Variants in NRG3 observed in about 807,000 individuals in gnomAD.
The protein encoded by NRG3 is neuregulin 3, also known as pro-neuregulin-3, membrane-bound isoform.
Under a neutral mutation model 66.9 loss-of-function variants are expected in NRG3, and 31 were observed. The observed-to-expected ratio is 0.46, with a 90% CI of 0.35 to 0.63. NRG3 has a LOEUF of 0.63. Among genes scored for constraint, NRG3 ranks in the 20% least tolerant of loss-of-function variants. The pLI is 0.00. For synonymous variants in NRG3, 393 were observed against 359.4 expected, an observed-to-expected ratio of 1.09 and a Z score of -1.06; for missense variants, 910 against 878.9, an observed-to-expected ratio of 1.04 and a Z score of -0.45.
chr10:82,252,585 G>C (rs1433846993), intron 1 of NRG3, among the ~76,000 whole-genome samples: 1 of 152,090 alleles, frequency 6.6e-6, no homozygotes, highest in African/African-American at 2.4e-5. Flanking sequence ...GTACAGTATT[G>C]CTCCTAATGA....
chr10:82,789,951 G>T (rs979476476), intron 3 of NRG3, among the ~76,000 whole-genome samples: 6 of 151,952 alleles, frequency 3.9e-5, no homozygotes, highest in Non-Finnish European at 8.8e-5. Flanking sequence ...ATCTAGGATT[G>T]ATAACAACTT....
chr10:82,430,471 A>T (rs2089732014), intron 2 of NRG3, among the ~76,000 whole-genome samples: 1 of 151,972 alleles, frequency 6.6e-6, no homozygotes, highest in Admixed American at 6.6e-5. Context: ...GTTAGCCAGG[A>T]TGGTCTCGAT....
chr10:82,624,026 T>A (rs2133645458), intron 2 of NRG3, among the ~76,000 whole-genome samples: 1 of 152,276 alleles, frequency 6.6e-6, no homozygotes, highest in Middle Eastern at 3.4e-3. Context: ...TATTATTGCT[T>A]TGAGACAGAA....
At chr10:82,140,328 A>G (rs955582132) in intron 1 of NRG3, among the ~76,000 whole-genome samples, 2 of 152,144 alleles carry the variant, frequency 1.3e-5, no homozygotes, top group African/African-American at 2.4e-5. Context: ...GTCTCTAAAC[A>G]ACTCCAGGGC....
intron 2 of NRG3, among the ~76,000 whole-genome samples, chr10:82,419,317 T>C (rs184704398): frequency 9.2e-5 from 14 of 152,258 alleles, no homozygotes; most frequent in African/African-American, 3.1e-4. Context: ...AGGCAGAGTT[T>C]AAACATTCCG....
chr10:82,479,377 T>C (rs1172474939), intron 2 of NRG3, among the ~76,000 whole-genome samples: 1 of 151,758 alleles, frequency 6.6e-6, no homozygotes, highest in African/African-American at 2.4e-5. Context: ...GAAGAGAGGA[T>C]ATGCACGCGT....
intron 1 of NRG3, among the ~76,000 whole-genome samples, chr10:82,051,236 T>C (rs932510020): frequency 6.6e-6 from 1 of 152,130 alleles, no homozygotes; most frequent in Non-Finnish European, 1.5e-5. Flanking sequence ...AATCAGAAAA[T>C]GCATTCTTCA....
intron 2 of NRG3, among the ~76,000 whole-genome samples, chr10:82,378,297 CT>C (rs2085389150): frequency 1.3e-5 from 2 of 152,170 alleles, no homozygotes; most frequent in South Asian, 4.1e-4. Context: ...GAGACAGGAA[CT>C]GTTGTGAACT....
At chr10:82,894,341 G>A (rs963878131) in intron 4 of NRG3, among the ~76,000 whole-genome samples, 5 of 152,048 alleles carry the variant, frequency 3.3e-5, no homozygotes, top group African/African-American at 1.2e-4. Context: ...AATAAGCCTA[G>A]CATATATTTT....
intron 1 of NRG3, among the ~76,000 whole-genome samples, chr10:82,010,231 T>A (rs920197794): frequency 3.9e-5 from 6 of 152,154 alleles, no homozygotes; most frequent in African/African-American, 1.4e-4. Flanking sequence ...TTGGAGTGGG[T>A]AAGCCATTGG....
chr10:82,985,058 G>A lies in NRG3; in HGVS notation c.1584-40G>A, dbSNP rs756567572. 4 of 1,594,350 alleles carry A rather than the reference G, an allele frequency of 2.5e-6. No homozygotes were observed. The East Asian group carries it at 8.9e-5, about 36-fold the overall frequency. ...ATTGAGTATTGCTCTAACAAAGCCTGGTAGAAAGCAGAAGGAGTAACACTG... is the reference window on the plus strand; with the variant it reads ...ATTGAGTATTGCTCTAACAAAGCCTAGTAGAAAGCAGAAGGAGTAACACTG... On this transcript the variant is annotated intron_variant, in intron 8 of 8. Transcript: ENST00000372141.
At chr10:82,249,171 A>G (rs1467571321) in intron 1 of NRG3, among the ~76,000 whole-genome samples, 1 of 152,096 alleles carries the variant, frequency 6.6e-6, no homozygotes, top group Non-Finnish European at 1.5e-5. Flanking sequence ...TTATTTATGT[A>G]CATGTTGTTA....
intron 2 of NRG3, among the ~76,000 whole-genome samples, chr10:82,404,084 C>T (rs1233547657): frequency 6.6e-6 from 1 of 152,136 alleles, no homozygotes; most frequent in African/African-American, 2.4e-5. Flanking sequence ...ATGCTCAAGA[C>T]TGTTTGCTTT....
chr10:82,923,328 C>T lies in NRG3; in HGVS notation c.1055-28141C>T, dbSNP rs569703181. Among the ~76,000 whole-genome samples, 5 of 152,314 alleles carry T rather than the reference C, an allele frequency of 3.3e-5. No individual in the cohort carries two copies. The South Asian group carries it at 1.0e-3, about 32-fold the overall frequency. On this transcript the variant is annotated intron_variant, in intron 4 of 8. Coordinates refer to ENST00000372141, the MANE Select transcript of NRG3 (RefSeq NM_001010848.4). ...CATCCTCCACCTAATCTCTACTCTC[C>T]TTTCAGGATCATCAGAGGTATTACC... is the stretch of plus-strand genomic sequence containing the variant.
At chr10:82,896,733 G>A (rs1336811698) in intron 4 of NRG3, among the ~76,000 whole-genome samples, 1 of 152,206 alleles carries the variant, frequency 6.6e-6, no homozygotes. Flanking sequence ...TATATGGTTA[G>A]TAATCAGTAT....
chr10:82,006,218 CAA>C (rs1343651207), intron 1 of NRG3, among the ~76,000 whole-genome samples: 2 of 152,030 alleles, frequency 1.3e-5, no homozygotes, highest in African/African-American at 2.4e-5. Context: ...ATTAGTGAGA[CAA>C]AGAGATCTTT....
rs1190845008 is a variant in NRG3 at position 82,641,022 on chromosome 10, T to G, written c.954-97555T>G. On this transcript the variant is annotated intron_variant, in intron 2 of 8. Coordinates refer to ENST00000372141, the MANE Select transcript of NRG3 (RefSeq NM_001010848.4). ...TTTTCAGTCTGTCGTTTTTTTTTTTTTTTTTTTTTTTTTTTTTTTTTTTTT... is the reference window on the plus strand; with the variant it reads ...TTTTCAGTCTGTCGTTTTTTTTTTTGTTTTTTTTTTTTTTTTTTTTTTTTT... Among the ~76,000 whole-genome samples, 5 of 7,170 alleles carry G rather than the reference T, an allele frequency of 7.0e-4. 2 individuals carry two copies. Among genetic ancestry groups the G allele is most frequent in the Admixed American group, 1.6e-3 (2 of 1,258 alleles). 4.7% of individuals were successfully genotyped at this position (7,170 alleles called of 152,430 possible).
intron 1 of NRG3, among the ~76,000 whole-genome samples, chr10:82,104,422 T>C (rs989957918): frequency 6.6e-6 from 1 of 152,102 alleles, no homozygotes; most frequent in Non-Finnish European, 1.5e-5. Context: ...GGATACAAAA[T>C]AATATATATT....
intron 3 of NRG3, among the ~76,000 whole-genome samples, chr10:82,815,388 G>A (rs909814726): frequency 1.3e-5 from 2 of 152,180 alleles, no homozygotes; most frequent in African/African-American, 2.4e-5. Context: ...TTGGGGAAAT[G>A]TATGAGGTGT....
Sources: gnomAD v4.1 joint callset for allele counts (sites outside exome capture counted in the v4.1 genomes callset) on GRCh38, gnomAD v4.1.1 for gene constraint, MANE v1.5 for transcripts, NCBI Gene and HGNC (gene_info 2026-07-23, HGNC 2026-07-21) for gene names.